Variants in MAPK12 observed in about 807,000 individuals in gnomAD.
MAPK12 encodes MAP kinase 12.
In MAPK12, 49 loss-of-function variants were observed where a neutral mutation model predicts 49.1. The ratio of observed to expected loss-of-function variants is 1.00; its 90% CI spans 0.79 to 1.27. The LOEUF (loss-of-function observed/expected upper bound fraction) is 1.27. Ranked by LOEUF, MAPK12 falls within the 50% of genes most tolerant of loss-of-function variation. MAPK12 has a pLI of 0.00. For missense variants in MAPK12, 554 were observed against 502.4 expected (o/e 1.10, Z -0.98); for synonymous variants, 251 against 209.7 (o/e 1.20, Z -1.70).
At chr22:50,256,268 G>T in intron 6 of MAPK12, 69 bp from the exon 7 acceptor site, 2 of 1,218,448 alleles carry the variant, frequency 1.6e-6, no homozygotes, top group Non-Finnish European at 1.2e-6. Flanking sequence ...CCACGGTCCA[G>T]GAGACCCCGG....
chr22:50,253,303 GGATGCAAGCCCCAGC>G lies in MAPK12; in HGVS notation c.*83_*97del, dbSNP rs1197558955. On this transcript the variant is annotated 3_prime_UTR_variant, in exon 12 of 12. Coordinates refer to ENST00000215659, the MANE Select transcript of MAPK12 (RefSeq NM_002969.6). ...GGCGTCTGCTCTGATGGATGCCTTG[GGATGCAAGCCCCAGC>G]CAAGGTCAAGGTGGCAACGAGAGTC... 2.3e-6 allele frequency: 2 copies of G among 880,066 alleles called. No homozygotes were observed. Among genetic ancestry groups the G allele is most frequent in the Non-Finnish European group, 3.7e-6 (2 of 535,224 alleles). 54.5% of individuals were successfully genotyped at this position (880,066 alleles called of 1,614,324 possible).
intron 5 of MAPK12, 102 bp from the exon 6 acceptor site, chr22:50,256,748 C>A (rs2065154511): frequency 3.3e-6 from 5 of 1,526,996 alleles, no homozygotes; most frequent in Non-Finnish European, 4.4e-6. Flanking sequence ...GGACCTGGCC[C>A]CCTTGCTCTC....
At position 50,253,499 on chromosome 22, in the gene MAPK12, C is replaced by CA; in HGVS notation, c.1025-20_1025-19insT. 2 of 660,036 alleles carry CA rather than the reference C, an allele frequency of 3.0e-6. No individual in the cohort carries two copies. The highest frequency in any genetic ancestry group is 3.9e-5 in the South Asian group (1 of 25,560). 40.9% of individuals were successfully genotyped at this position (660,036 alleles called of 1,614,324 possible). A position where few individuals can be genotyped will look rare whatever the true frequency, so the allele number is the denominator to read the frequency against. On this transcript the variant is annotated intron_variant, in intron 11 of 11. Coordinates refer to ENST00000215659, the MANE Select transcript of MAPK12 (RefSeq NM_002969.6). ...GTAACACCTGGCGGGGGTGGGGGGG[C>CA]GGGCACAACAGAGAGGGGGGTCAGC...
Position 50,255,487 on chromosome 22 carries a change from A to G in MAPK12, c.816T>C (p.Asp272=), listed in dbSNP as rs1390019918. The G allele has an allele frequency of 4.3e-6, 7 of 1,612,984 alleles. No homozygotes were observed. The highest frequency in any genetic ancestry group is 5.9e-6 in the Non-Finnish European group (7 of 1,179,990). ...MKGLPELEKK[D]FASILTNASP... ...TTGCATTGGTCAGGATAGAGGCAAA[A>G]TCCTTCTTCTCCAATTCGGGGAGGC... Residue 272 remains aspartate (D), a synonymous_variant, in exon 10 of 12, where the codon GAT becomes GAC. Transcript: ENST00000215659.
chr22:50,256,731 G>A, intron 5 of MAPK12, 85 bp from the exon 6 acceptor site: 2 of 1,537,398 alleles, frequency 1.3e-6, no homozygotes, highest in South Asian at 1.3e-5. Context: ...CTAAAGATGG[G>A]GCCACCGGAC....
chr22:50,257,019 G>A, intron 4 of MAPK12, 55 bp from the exon 5 acceptor site: 3 of 1,601,492 alleles, frequency 1.9e-6, no homozygotes, highest in Middle Eastern at 1.7e-4. Flanking sequence ...GAGCCACAGG[G>A]CCCTCCTCTG....
In MAPK12 at chr22:50,253,364, A is replaced by G. The variant is rs201404933; in HGVS notation, c.*37T>C. The stretch of plus-strand genomic sequence containing the variant: ...GAGTCCCCTCTCAGGTGGAAGGTGA[A>G]GGTGGTCCTCACTGCCACCCCGGAG... On this transcript the variant is annotated 3_prime_UTR_variant, in exon 12 of 12. Transcript: ENST00000215659. 9.0e-6 allele frequency: 13 copies of G among 1,436,772 alleles called. No homozygotes were observed. In the Admixed American group the frequency reaches 1.8e-4, roughly 20 times the overall value. The allele number at this position is 1,436,772 out of a possible 1,614,324, so 89.0% of individuals were successfully genotyped here. A position where few individuals can be genotyped will look rare whatever the true frequency, so the allele number is the denominator to read the frequency against.
intron 7 of MAPK12, 92 bp downstream of exon 7, chr22:50,255,993 C>T: frequency 6.7e-7 from 1 of 1,503,428 alleles, no homozygotes; most frequent in Non-Finnish European, 9.1e-7. Context: ...TCAACAGCCT[C>T]CCTGGGAGCA....
rs981149721 is a variant in MAPK12, at chr22:50,257,615, T to TG, written c.315-423dup. 43 of 563,594 alleles carry TG rather than the reference T, an allele frequency of 7.6e-5. No individual in the cohort carries two copies. In the African/African-American group the frequency reaches 8.1e-4, roughly 11 times the overall value. 34.9% of individuals were successfully genotyped at this position (563,594 alleles called of 1,614,324 possible). A position where few individuals can be genotyped will look rare whatever the true frequency, so the allele number is the denominator to read the frequency against. On this transcript the variant is annotated intron_variant, in intron 3 of 11. Coordinates refer to ENST00000215659, the MANE Select transcript of MAPK12 (RefSeq NM_002969.6). ...TTGTGCCAGAAATGAGGGAGGTGCC[T>TG]GGGGGCGATGGGGGCGCGGCAAGGC...
chr22:50,253,100 C>T lies in MAPK12; in HGVS notation c.*301G>A. ...CAGGGCTCAGAGGCCAAGGCCTGAT[C>T]TGGAGCCCCACCAGCTCTGAGGTTT... is the stretch of plus-strand genomic sequence containing the variant. On this transcript the variant is annotated 3_prime_UTR_variant, in exon 12 of 12. Coordinates refer to ENST00000215659, the MANE Select transcript of MAPK12 (RefSeq NM_002969.6). 6 of 449,348 alleles carry T rather than the reference C, an allele frequency of 1.3e-5. No homozygotes were observed. The highest frequency in any genetic ancestry group is 1.2e-4 in the South Asian group (6 of 48,434). The allele number at this position is 449,348 out of a possible 1,614,324, so 27.8% of individuals were successfully genotyped here. A position where few individuals can be genotyped will look rare whatever the true frequency, so the allele number is the denominator to read the frequency against.
Position 50,253,496 on chromosome 22 carries a change from G to GGGGGGGA in MAPK12, c.1025-17_1025-16insTCCCCCC. 1 of 481,172 alleles carries GGGGGGGA rather than the reference G, an allele frequency of 2.1e-6. No homozygotes were observed. 29.8% of individuals were successfully genotyped at this position (481,172 alleles called of 1,614,324 possible). A position where few individuals can be genotyped will look rare whatever the true frequency, so the allele number is the denominator to read the frequency against. ...TAAGTAACACCTGGCGGGGGTGGGGGGGCGGGCACAACAGAGAGGGGGGTC... is the reference window on the plus strand; with the variant it reads ...TAAGTAACACCTGGCGGGGGTGGGGGGGGGGGAGGCGGGCACAACAGAGAGGGGGGTC... On this transcript the variant is annotated splice_polypyrimidine_tract_variant and intron_variant, in intron 11 of 11. Transcript: ENST00000215659.
At chr22:50,260,903 C>A (rs540862519) in intron 2 of MAPK12, 3 of 341,280 alleles carry the variant, frequency 8.8e-6, no homozygotes, top group Admixed American at 1.0e-4. Flanking sequence ...AGTCGTGTTC[C>A]CTGACCAGGG....
At chr22:50,259,752 C>T (rs1012414120) in intron 2 of MAPK12, among the ~76,000 whole-genome samples, 14 of 151,870 alleles carry the variant, frequency 9.2e-5, no homozygotes, top group African/African-American at 1.2e-4. Flanking sequence ...GGCGTGGTGG[C>T]GCGCGCCTGT....
chr22:50,255,153 C>T (rs773044942), intron 11 of MAPK12, 44 bp downstream of exon 11: 1 of 1,609,470 alleles, frequency 6.2e-7, no homozygotes, highest in Non-Finnish European at 8.5e-7. Flanking sequence ...CCCAGAGCCC[C>T]CCACTTGGGT....
Position 50,255,251 on chromosome 22 carries a change from G to C in MAPK12, c.970C>G (p.Gln324Glu), listed in dbSNP as rs1330801681. 1.2e-6 allele frequency: 2 copies of C among 1,613,822 alleles called. No individual in the cohort carries two copies. Among genetic ancestry groups the C allele is most frequent in the Non-Finnish European group, 1.7e-6 (2 of 1,180,016 alleles). Residue 324 changes from glutamine to glutamate, a missense_variant, in exon 11 of 12, where the codon CAG becomes GAG. Physicochemically the swap from Gln to Glu is conservative, Grantham distance 29. Transcript: ENST00000215659. ...TCGTCAAAGGAGTCATCATACTTCT[G>C]GACCTGGGGCTCATCTTCCGTGTCG... Reference protein sequence around the residue: ...LHDTEDEPQVQKYDDSFDDVD... With the variant: ...LHDTEDEPQVEKYDDSFDDVD...
Position 50,258,310 on chromosome 22 carries a change from GC to G in MAPK12, c.256-10del. 1 of 1,612,576 alleles carries G rather than the reference GC, an allele frequency of 6.2e-7. No homozygotes were observed. On this transcript the variant is annotated splice_polypyrimidine_tract_variant and intron_variant, in intron 2 of 11. Transcript: ENST00000215659. ...TCCAGCAGCCCGATCACCTGGGGGGGCCACATAGGGTTGAGAATGCAGCAGA... is the reference window on the plus strand; with the variant it reads ...TCCAGCAGCCCGATCACCTGGGGGGGCACATAGGGTTGAGAATGCAGCAGA...
Position 50,256,975 on chromosome 22 carries a change from C to T in MAPK12, c.427-11G>A. On this transcript the variant is annotated splice_polypyrimidine_tract_variant and intron_variant, in intron 4 of 11. Transcript: ENST00000215659. ...GGCAGCGTGGATATACTGCGGGGGG[C>T]AGAGGATTTGGCAGGCTTCAGCGCA... is the stretch of plus-strand genomic sequence containing the variant. The T allele has an allele frequency of 6.2e-7, 1 of 1,606,650 alleles. No individual in the cohort carries two copies.
chr22:50,258,389 C>T (rs1310840632), intron 2 of MAPK12, 88 bp from the exon 3 acceptor site: 3 of 1,115,252 alleles, frequency 2.7e-6, no homozygotes, highest in Non-Finnish European at 4.1e-6. Context: ...GGGCAGGAAA[C>T]CCCCTCTGCA....
intron 3 of MAPK12, chr22:50,257,460 T>A: frequency 1.8e-6 from 1 of 552,168 alleles, no homozygotes; most frequent in Non-Finnish European, 3.3e-6. Context: ...GAGGCTGCCT[T>A]GGGGTTTTTG....
Sources: gnomAD v4.1 joint callset for allele counts (sites outside exome capture counted in the v4.1 genomes callset) on GRCh38, gnomAD v4.1.1 for gene constraint, MANE v1.5 for transcripts, NCBI Gene and HGNC (gene_info 2026-07-23, HGNC 2026-07-21) for gene names.